Variants in NUP88 observed in about 807,000 individuals in gnomAD.
The protein encoded by NUP88 is nucleoporin 88.
In NUP88, 57 loss-of-function variants were observed where a neutral mutation model predicts 93.9. The ratio of observed to expected loss-of-function variants is 0.61; its 90% CI spans 0.49 to 0.76. The LOEUF (loss-of-function observed/expected upper bound fraction) is 0.76. Ranked by LOEUF, NUP88 falls within the 30% of genes least tolerant of loss-of-function variation. NUP88 has a pLI of 0.00. For synonymous variants in NUP88, 346 were observed against 336.8 expected (o/e 1.03, Z -0.30); for missense variants, 911 against 901.0 (o/e 1.01, Z -0.14).
chr17:5,404,469 C>G (rs1913368297), intron 6 of NUP88, among the ~76,000 whole-genome samples: 1 of 152,008 alleles, frequency 6.6e-6, no homozygotes, highest in Admixed American at 6.6e-5. Flanking sequence ...AAGAAATCAG[C>G]CGGGCGTGGT....
intron 7 of NUP88, among the ~76,000 whole-genome samples, chr17:5,400,139 T>TAAAAAAAAAAA (rs199804588): frequency 0.11 from 11,943 of 109,672 alleles, 1,718 homozygotes; most frequent in East Asian, 0.43. Context: ...CTTTCATTTG[T>TAAAAAAAAAAA]TAAAAAAAAA....
intron 11 of NUP88, 22 bp from the exon 12 acceptor site, chr17:5,387,926 T>G: frequency 6.2e-7 from 1 of 1,602,494 alleles, no homozygotes. Flanking sequence ...AGTTTCTACC[T>G]TTATTTTCCT....
rs538596130 is a variant in NUP88, at chr17:5,400,818, C to T, written c.1193-1168G>A. Among the ~76,000 whole-genome samples, 7 of 152,212 alleles carry T rather than the reference C, an allele frequency of 4.6e-5. No homozygotes were observed. The South Asian group carries it at 8.3e-4, about 18-fold the overall frequency. ...AGGTGTGAAATGAGAAGTGAAGTTT[C>T]GTATGTCTTCATAATGTTGACTTAC... On this transcript the variant is annotated intron_variant, in intron 7 of 16. Coordinates refer to ENST00000573584, the MANE Select transcript of NUP88 (RefSeq NM_002532.6).
Position 5,386,342 on chromosome 17 carries a change from T to C in NUP88, c.2163-73A>G, listed in dbSNP as rs1268080598. The stretch of plus-strand genomic sequence containing the variant: ...TATATGGATTCTTAAGAATTTAAAC[T>C]GGTAATGTTGAAACATCTAAGAACT... On this transcript the variant is annotated intron_variant, in intron 16 of 16. Coordinates refer to ENST00000573584, the MANE Select transcript of NUP88 (RefSeq NM_002532.6). The C allele has an allele frequency of 1.0e-5, 12 of 1,177,402 alleles. No individual in the cohort carries two copies. In the South Asian group the frequency reaches 1.6e-4, roughly 16 times the overall value. The allele number at this position is 1,177,402 out of a possible 1,614,324, so 72.9% of individuals were successfully genotyped here. A position where few individuals can be genotyped will look rare whatever the true frequency, so the allele number is the denominator to read the frequency against.
Position 5,404,103 on chromosome 17 carries a change from A to G in NUP88, c.1188T>C (p.His396=), listed in dbSNP as rs916186698. 6 of 1,614,022 alleles carry G rather than the reference A, an allele frequency of 3.7e-6. No individual in the cohort carries two copies. The highest frequency in any genetic ancestry group is 3.3e-5 in the South Asian group (3 of 91,068). The change falls in exon 7 of 17, where the codon CAT becomes CAC. Residue 396 remains histidine, a synonymous_variant. Transcript: ENST00000573584. ...TACATTTATTGAAGAGCTTACCTCT[A>G]TGAAGTTTGACTGGACAAGAAAAGT... The part of the protein sequence containing the change: ...DSDFSCPVKL[H]RDPKCPSRYH...
intron 5 of NUP88, among the ~76,000 whole-genome samples, chr17:5,407,526 C>T (rs540375822): frequency 6.6e-6 from 1 of 152,296 alleles, no homozygotes; most frequent in South Asian, 2.1e-4. Context: ...ATGCTCAGCC[C>T]TTAGCCTTAT....
intron 10 of NUP88, among the ~76,000 whole-genome samples, chr17:5,390,011 T>TA (rs747424812): frequency 7.0e-4 from 106 of 150,958 alleles, no homozygotes; most frequent in Non-Finnish European, 1.1e-3. Flanking sequence ...ACTAAAAATA[T>TA]AAAAATTAGC....
At chr17:5,416,180 T>TATATATATATATATATAC (rs1374990658) in intron 2 of NUP88, among the ~76,000 whole-genome samples, 1 of 107,336 alleles carries the variant, frequency 9.3e-6, no homozygotes, top group Admixed American at 9.7e-5. Flanking sequence ...TATATATATA[T>TATATATATATATATATAC]ACACACATAC....
chr17:5,387,166 C>G (rs1237577472), intron 14 of NUP88, 56 bp from the exon 15 acceptor site: 2 of 1,573,800 alleles, frequency 1.3e-6, no homozygotes, highest in African/African-American at 2.7e-5. Context: ...TTAGGAGAAA[C>G]ATAATCACAA....
intron 2 of NUP88, among the ~76,000 whole-genome samples, chr17:5,416,157 A>AGTATGTATATAT (rs1376858837): frequency 8.0e-6 from 1 of 125,398 alleles, no homozygotes; most frequent in Non-Finnish European, 1.7e-5. Context: ...AAAAAAAAAA[A>AGTATGTATATAT]AAAAAAAAAG....
intron 5 of NUP88, among the ~76,000 whole-genome samples, chr17:5,407,777 C>G (rs1913582300): frequency 6.6e-6 from 1 of 152,186 alleles, no homozygotes; most frequent in South Asian, 2.1e-4. Flanking sequence ...CTCCCTTATC[C>G]AAACAGTAAC....
At chr17:5,397,412 A>G (rs574881340) in intron 8 of NUP88, among the ~76,000 whole-genome samples, 1 of 152,274 alleles carries the variant, frequency 6.6e-6, no homozygotes, top group South Asian at 2.1e-4. Flanking sequence ...TGTTACCACA[A>G]GTTTCTTTAA....
intron 8 of NUP88, among the ~76,000 whole-genome samples, chr17:5,396,459 CAG>C (rs974362634): frequency 3.3e-5 from 5 of 152,210 alleles, no homozygotes; most frequent in African/African-American, 1.2e-4. Context: ...GAGCATGTAT[CAG>C]TACTTCATTC....
rs9890547 is a variant in NUP88 at position 5,387,750 on chromosome 17, C to T, written c.1769+29G>A. 7.7e-3 allele frequency: 12,453 copies of T among 1,609,122 alleles called. 71 individuals are homozygous for T. Among genetic ancestry groups the T allele is most frequent in the Middle Eastern group, 0.017 (100 of 6,028 alleles). On this transcript the variant is annotated intron_variant, in intron 12 of 16. Coordinates refer to ENST00000573584, the MANE Select transcript of NUP88 (RefSeq NM_002532.6). Reference sequence around the variant, plus strand: ...ACAGCATCAGCTACCAGCCAGGGATCGATGGTTTGTGAACACAGGACATCA... The same window carrying T: ...ACAGCATCAGCTACCAGCCAGGGATTGATGGTTTGTGAACACAGGACATCA...
chr17:5,386,329 T>TA, intron 16 of NUP88, 60 bp from the exon 17 acceptor site: 1 of 1,297,422 alleles, frequency 7.7e-7, no homozygotes, highest in Non-Finnish European at 1.1e-6. Context: ...TATGGATTCT[T>TA]AAGAATTTAA....
intron 8 of NUP88, among the ~76,000 whole-genome samples, chr17:5,397,507 G>A (rs1912850394): frequency 6.6e-6 from 1 of 152,154 alleles, no homozygotes; most frequent in Non-Finnish European, 1.5e-5. Flanking sequence ...GAGACTACAA[G>A]CCAAGGAATG....
At chr17:5,416,009 G>A (rs778377353) in intron 2 of NUP88, among the ~76,000 whole-genome samples, 44 of 151,750 alleles carry the variant, frequency 2.9e-4, no homozygotes, top group Non-Finnish European at 6.2e-4. Flanking sequence ...GCTGGGCATG[G>A]TAGCGCTTGC....
At chr17:5,397,885 ATTC>A (rs1480523663) in intron 8 of NUP88, among the ~76,000 whole-genome samples, 1 of 151,808 alleles carries the variant, frequency 6.6e-6, no homozygotes, top group Non-Finnish European at 1.5e-5. Context: ...ATTGGTATTA[ATTC>A]TTTTTTTTAA....
chr17:5,386,013 G>GTTT lies in NUP88; in HGVS notation c.*192_*193insAAA, dbSNP rs1390626217. On this transcript the variant is annotated 3_prime_UTR_variant, in exon 17 of 17. Transcript: ENST00000573584. The stretch of plus-strand genomic sequence containing the variant: ...TTGCTGAACACAACTGTAGGCTTGA[G>GTTT]TTATAAAGCACATTCCAAATTTTAA... The GTTT allele has an allele frequency of 1.9e-6, 1 of 538,580 alleles. No individual in the cohort carries two copies. Among genetic ancestry groups the GTTT allele is most frequent in the Non-Finnish European group, 3.2e-6 (1 of 308,666 alleles). The allele number at this position is 538,580 out of a possible 1,614,324, so 33.4% of individuals were successfully genotyped here.
Sources: allele counts gnomAD v4.1 joint callset (sites outside exome capture counted in the v4.1 genomes callset), GRCh38; gene constraint gnomAD v4.1.1; transcripts MANE v1.5; gene names NCBI Gene and HGNC (gene_info 2026-07-23, HGNC 2026-07-21).